Variants in PDE3A observed in about 807,000 individuals in gnomAD.
The protein encoded by PDE3A is phosphodiesterase 3A.
PDE3A carries 43 observed loss-of-function variants against 98.3 expected under a neutral mutation model. That is an observed-to-expected ratio of 0.44 (90% CI 0.34 to 0.56). The LOEUF (loss-of-function observed/expected upper bound fraction) is 0.56. Ranked by LOEUF, PDE3A falls within the 20% of genes least tolerant of loss-of-function variation. The pLI is 0.01. For synonymous variants in PDE3A, 663 were observed against 567.9 expected, an observed-to-expected ratio of 1.17 and a Z score of -2.38; for missense variants, 1,427 against 1,440.7, an observed-to-expected ratio of 0.99 and a Z score of 0.15.
chr12:20,557,582 A>G (rs554697699), intron 2 of PDE3A, among the ~76,000 whole-genome samples: 1 of 152,336 alleles, frequency 6.6e-6, no homozygotes, highest in Non-Finnish European at 1.5e-5. Context: ...ATGAAAGTTC[A>G]TTGGAAAGTG....
At chr12:20,492,485 T>TTA (rs1174384827) in intron 1 of PDE3A, among the ~76,000 whole-genome samples, 1 of 151,992 alleles carries the variant, frequency 6.6e-6, no homozygotes, top group Non-Finnish European at 1.5e-5. Flanking sequence ...AAGTACCTAG[T>TTA]TATAGAAGTA....
chr12:20,648,984 G>A (rs973570118), intron 13 of PDE3A, 93 bp downstream of exon 13: 4 of 779,854 alleles, frequency 5.1e-6, no homozygotes, highest in Non-Finnish European at 8.0e-6. Flanking sequence ...GGAGTGCAGT[G>A]GCACGATCTT....
chr12:20,518,560 T>C (rs1472681548), intron 1 of PDE3A, among the ~76,000 whole-genome samples: 2 of 29,912 alleles, frequency 6.7e-5, no homozygotes, highest in Admixed American at 1.1e-3. Flanking sequence ...TAAACTATTC[T>C]GTCATTAAAA....
At chr12:20,404,826 G>GTTT (rs60736941) in intron 1 of PDE3A, among the ~76,000 whole-genome samples, 34,283 of 94,922 alleles carry the variant, frequency 0.36, 7,102 homozygotes, top group East Asian at 0.5. Context: ...AGGTTACAGA[G>GTTT]TTTTTTTTTT....
chr12:20,668,177 G>T (rs184808740), intron 15 of PDE3A, among the ~76,000 whole-genome samples: 6 of 152,134 alleles, frequency 3.9e-5, no homozygotes, highest in African/African-American at 1.4e-4. Context: ...ATTATATCCC[G>T]CACCTGGCTT....
intron 1 of PDE3A, among the ~76,000 whole-genome samples, chr12:20,463,579 A>G (rs924655070): frequency 9.9e-5 from 15 of 152,204 alleles, no homozygotes; most frequent in African/African-American, 3.6e-4. Flanking sequence ...TATTTTGCTT[A>G]TATCATAGCA....
At chr12:20,511,717 C>T (rs956838614) in intron 1 of PDE3A, among the ~76,000 whole-genome samples, 1 of 152,010 alleles carries the variant, frequency 6.6e-6, no homozygotes, top group East Asian at 1.9e-4. Context: ...GTGTGGGCTA[C>T]TCACAGTGGT....
At chr12:20,668,131 C>T (rs917470063) in intron 15 of PDE3A, among the ~76,000 whole-genome samples, 1 of 152,204 alleles carries the variant, frequency 6.6e-6, no homozygotes, top group African/African-American at 2.4e-5. Context: ...GAATACTGCG[C>T]TTTTCCGACG....
chr12:20,539,836 T>A (rs1012907405), intron 1 of PDE3A, among the ~76,000 whole-genome samples: 1 of 152,138 alleles, frequency 6.6e-6, no homozygotes, highest in East Asian at 1.9e-4. Context: ...TGAGAAGCCA[T>A]TGAAAGGTGT....
intron 2 of PDE3A, chr12:20,572,150 G>T: frequency 7.8e-7 from 1 of 1,275,612 alleles, no homozygotes; most frequent in Non-Finnish European, 1.0e-6. Flanking sequence ...TTTCCAAATC[G>T]TGGAGCTTCT....
intron 1 of PDE3A, among the ~76,000 whole-genome samples, chr12:20,483,340 G>A (rs988654683): frequency 2.6e-5 from 4 of 152,076 alleles, no homozygotes; most frequent in Non-Finnish European, 5.9e-5. Flanking sequence ...AGTGAGCCGA[G>A]ATCGCACCAC....
chr12:20,638,058 A>G (rs776657951), intron 9 of PDE3A, among the ~76,000 whole-genome samples: 4 of 152,152 alleles, frequency 2.6e-5, no homozygotes, highest in African/African-American at 9.6e-5. Flanking sequence ...ACTTGTGAAT[A>G]TAAGACTTAG....
chr12:20,426,014 A>T (rs1388260102), intron 1 of PDE3A, among the ~76,000 whole-genome samples: 1 of 152,230 alleles, frequency 6.6e-6, no homozygotes, highest in East Asian at 1.9e-4. Flanking sequence ...TCGAGCTCTT[A>T]GAATAGGGAC....
Position 20,370,186 on chromosome 12 carries a change from C to T in PDE3A, c.902C>T (p.Ser301Phe), listed in dbSNP as rs1943440261. 4 of 1,609,908 alleles carry T rather than the reference C, an allele frequency of 2.5e-6. No individual in the cohort carries two copies. In the African/African-American group the frequency reaches 4.0e-5, roughly 16 times the overall value. The change falls in exon 1 of 16, where the codon TCC becomes TTC. Residue 301 changes from serine (S) to phenylalanine (F), a missense_variant. This residue lies in a region of PDE3A where 1,012 missense variants were observed against 886.5 expected (regional missense o/e 1.14). Coordinates refer to ENST00000359062, the MANE Select transcript of PDE3A (RefSeq NM_000921.5). Reference sequence around the variant, plus strand: ...AGCTCCGTCGTGTCCGCCGAGATGTCCGGCTGCAGCAGCAAGTCCCATCGG... The same window carrying T: ...AGCTCCGTCGTGTCCGCCGAGATGTTCGGCTGCAGCAGCAAGTCCCATCGG... ...RSSSVVSAEM[S>F]GCSSKSHRRT... is the part of the protein sequence containing the mutation.
chr12:20,412,701 T>G (rs376147345), intron 1 of PDE3A, among the ~76,000 whole-genome samples: 2 of 152,220 alleles, frequency 1.3e-5, no homozygotes, highest in African/African-American at 4.8e-5. Flanking sequence ...TTGTTTCTTT[T>G]GAACTACTCC....
chr12:20,403,080 T>A (rs568899920), intron 1 of PDE3A, among the ~76,000 whole-genome samples: 8 of 152,364 alleles, frequency 5.3e-5, no homozygotes, highest in East Asian at 1.9e-4. Context: ...TTATTGTTGC[T>A]GTTACATTGG....
chr12:20,370,152 A>G lies in PDE3A; in HGVS notation c.868A>G (p.Arg290Gly), dbSNP rs142553476. The change falls in exon 1 of 16, where the codon AGG becomes GGG. Residue 290 changes from arginine to glycine, a missense_variant. Arg to Gly is a moderately radical substitution (Grantham distance 125). Around this residue, in one of 3 missense-constraint regions of PDE3A, gnomAD observed 1,012 missense variants for 886.5 expected, o/e 1.14. Coordinates refer to ENST00000359062, the MANE Select transcript of PDE3A (RefSeq NM_000921.5). ...KEDIPVFKRR[R>G]RSSSVVSAEM... ...AGATATCCCGGTGTTTAAGAGGAGG[A>G]GGCGGTCCAGCTCCGTCGTGTCCGC... 1 of 1,613,278 alleles carries G rather than the reference A, an allele frequency of 6.2e-7. No homozygotes were observed. Among genetic ancestry groups the G allele is most frequent in the Non-Finnish European group, 8.5e-7 (1 of 1,179,876 alleles).
chr12:20,541,075 C>CTT lies in PDE3A; in HGVS notation c.961-15547_961-15546dup, dbSNP rs777927679. Among the ~76,000 whole-genome samples the CTT allele has an allele frequency of 2.1e-4, 11 of 52,986 alleles. 3 individuals are homozygous for CTT. Among genetic ancestry groups the CTT allele is most frequent in the African/African-American group, 3.4e-4 (5 of 14,706 alleles). 34.8% of individuals were successfully genotyped at this position (52,986 alleles called of 152,430 possible). A position where few individuals can be genotyped will look rare whatever the true frequency, so the allele number is the denominator to read the frequency against. The stretch of plus-strand genomic sequence containing the variant: ...AATTGACAAGGACATTGGTAACTTT[C>CTT]TTTTTTTTTTTTTTTTTTTTTTTTT... On this transcript the variant is annotated intron_variant, in intron 1 of 15. Coordinates refer to ENST00000359062, the MANE Select transcript of PDE3A (RefSeq NM_000921.5).
intron 1 of PDE3A, among the ~76,000 whole-genome samples, chr12:20,516,936 T>C (rs1354425877): frequency 6.6e-6 from 1 of 152,104 alleles, no homozygotes; most frequent in East Asian, 1.9e-4. Context: ...CAATACAAAT[T>C]ATAGAATTTC....
Sources: allele counts gnomAD v4.1 joint callset (sites outside exome capture counted in the v4.1 genomes callset), GRCh38; gene constraint gnomAD v4.1.1; regional missense constraint gnomAD v4.1.1; transcripts MANE v1.5; gene names NCBI Gene and HGNC (gene_info 2026-07-23, HGNC 2026-07-21).